SPMIP2: variants seen among roughly 807,000 people sequenced by gnomAD.
SPMIP2 encodes the protein sperm microtubule inner protein 2.
chr4:158,958,774 G>T, the SPMIP2 span, among the ~76,000 whole-genome samples: 1 of 152,132 alleles, frequency 6.6e-6, no homozygotes, highest in Non-Finnish European at 1.5e-5. Context: ...TTGAAACAGG[G>T]TAGGTGCTTA....
chr4:158,975,891 G>A, the SPMIP2 span, among the ~76,000 whole-genome samples: 1 of 152,164 alleles, frequency 6.6e-6, no homozygotes, highest in Non-Finnish European at 1.5e-5. Flanking sequence ...ACTTTGGGCA[G>A]TACGGCCATT....
At chr4:158,902,798 G>A in the SPMIP2 span, among the ~76,000 whole-genome samples, 2 of 152,310 alleles carry the variant, frequency 1.3e-5, no homozygotes, top group Admixed American at 6.5e-5. Flanking sequence ...AGGCTAAACC[G>A]CTTACTCAAG....
At chr4:158,903,487 C>T in the SPMIP2 span, among the ~76,000 whole-genome samples, 1 of 152,196 alleles carries the variant, frequency 6.6e-6, no homozygotes, top group African/African-American at 2.4e-5. Context: ...GGCTTTACCC[C>T]ATCCTTGACC....
At chr4:158,910,026 T>C in the SPMIP2 span, among the ~76,000 whole-genome samples, 3 of 151,396 alleles carry the variant, frequency 2.0e-5, no homozygotes, top group Non-Finnish European at 4.4e-5. Context: ...TGAGCAACAG[T>C]GAGACTCCAT....
chr4:158,990,243 A>G, the SPMIP2 span, among the ~76,000 whole-genome samples: 1 of 152,228 alleles, frequency 6.6e-6, no homozygotes, highest in Non-Finnish European at 1.5e-5. Flanking sequence ...GCTGGAGAGA[A>G]TGTGTAGAAA....
the SPMIP2 span, among the ~76,000 whole-genome samples, chr4:159,056,974 A>C: frequency 6.6e-6 from 1 of 152,228 alleles, no homozygotes; most frequent in African/African-American, 2.4e-5. Flanking sequence ...GTGAAAGGTT[A>C]AATATTAGCA....
chr4:159,066,410 TG>T, the SPMIP2 span, among the ~76,000 whole-genome samples: 2 of 152,034 alleles, frequency 1.3e-5, no homozygotes, highest in Non-Finnish European at 2.9e-5. Flanking sequence ...GACTGAGTCC[TG>T]GGCTCACGCA....
At chr4:158,903,497 C>T in the SPMIP2 span, among the ~76,000 whole-genome samples, 1 of 152,184 alleles carries the variant, frequency 6.6e-6, no homozygotes, top group Non-Finnish European at 1.5e-5. Context: ...CATCCTTGAC[C>T]CTTACAGGTG....
chr4:158,895,901 A>G, the SPMIP2 span: 1 of 1,441,608 alleles, frequency 6.9e-7, no homozygotes. Context: ...TGTCCCTTTG[A>G]TAGGTATCCC....
the SPMIP2 span, among the ~76,000 whole-genome samples, chr4:158,928,050 C>T: frequency 6.6e-6 from 1 of 152,188 alleles, no homozygotes; most frequent in African/African-American, 2.4e-5. Context: ...CTCCACGGTG[C>T]CCAGTCCCAT....
At chr4:159,004,732 A>C in the SPMIP2 span, among the ~76,000 whole-genome samples, 37 of 152,122 alleles carry the variant, frequency 2.4e-4, no homozygotes, top group African/African-American at 8.9e-4. Context: ...TCACAATTTC[A>C]ATACATTTAC....
the SPMIP2 span, among the ~76,000 whole-genome samples, chr4:159,003,179 G>A: frequency 3.3e-5 from 5 of 151,984 alleles, no homozygotes; most frequent in South Asian, 4.2e-4. Context: ...CTTGTGGTTC[G>A]CAATTGGTTT....
chr4:159,043,258 C>A, the SPMIP2 span, among the ~76,000 whole-genome samples: 1 of 152,212 alleles, frequency 6.6e-6, no homozygotes, highest in East Asian at 1.9e-4. Flanking sequence ...GGGAATGTTT[C>A]CCCAGTGCAC....
chr4:159,035,104 G>A, the SPMIP2 span: 1 of 1,610,624 alleles, frequency 6.2e-7, no homozygotes, highest in Non-Finnish European at 8.5e-7. Flanking sequence ...CATGGCTAAA[G>A]TCTTAACCGT....
At chr4:158,988,189 T>G in the SPMIP2 span, among the ~76,000 whole-genome samples, 51 of 152,100 alleles carry the variant, frequency 3.4e-4, no homozygotes, top group Middle Eastern at 3.4e-3. Flanking sequence ...AAGTCTAAAG[T>G]AGGAAGCAGT....
chr4:158,942,787 G>GAAAA, the SPMIP2 span, among the ~76,000 whole-genome samples: 9 of 152,008 alleles, frequency 5.9e-5, no homozygotes, highest in African/African-American at 2.2e-4. Flanking sequence ...AAAAAACAAA[G>GAAAA]AAACAAAACA....
chr4:158,986,489 C>T, the SPMIP2 span, among the ~76,000 whole-genome samples: 40 of 149,198 alleles, frequency 2.7e-4, no homozygotes, highest in African/African-American at 8.6e-4. Context: ...CGCATATCTA[C>T]AGCTATCTGA....
chr4:158,951,315 C>A, the SPMIP2 span, among the ~76,000 whole-genome samples: 1 of 152,270 alleles, frequency 6.6e-6, no homozygotes, highest in African/African-American at 2.4e-5. Context: ...GCATAGCCCA[C>A]GACACACCTA....
chr4:158,893,624 A>T, the SPMIP2 span: 11 of 1,287,518 alleles, frequency 8.5e-6, no homozygotes, highest in South Asian at 1.3e-4. Context: ...CTTGTGGATT[A>T]TTATGATCTT....
Sources: gnomAD v4.1 joint callset for allele counts (sites outside exome capture counted in the v4.1 genomes callset) on GRCh38, gnomAD v4.1.1 for gene constraint, MANE v1.5 for transcripts, NCBI Gene and HGNC (gene_info 2026-07-23, HGNC 2026-07-21) for gene names.